Variants in DIS3L2 observed in about 807,000 individuals in gnomAD.
The protein encoded by DIS3L2 is DIS3 like 3'-5' exoribonuclease 2.
DIS3L2 carries 34 observed loss-of-function variants against 97.5 expected under a neutral mutation model. The ratio of observed to expected loss-of-function variants is 0.35; its 90% CI spans 0.27 to 0.46. The LOEUF is 0.46. Among genes scored for constraint, DIS3L2 ranks in the 20% least tolerant of loss-of-function variants. The pLI, the probability that DIS3L2 is intolerant of heterozygous loss-of-function variation, is 1.00. For missense variants in DIS3L2, 1,038 were observed against 1,146.0 expected, an observed-to-expected ratio of 0.91 and a Z score of 1.36; for synonymous variants, 435 against 445.2, an observed-to-expected ratio of 0.98 and a Z score of 0.29.
intron 1 of DIS3L2, among the ~76,000 whole-genome samples, chr2:231,966,641 A>ATTTTTTTTTTTTTTTTT (rs36151054): frequency 6.5e-4 from 33 of 50,396 alleles, no homozygotes; most frequent in Non-Finnish European, 9.3e-4. Flanking sequence ...GTTAAAAAAC[A>ATTTTTTTTTTTTTTTTT]TTTTTTTTTT....
intron 8 of DIS3L2, among the ~76,000 whole-genome samples, chr2:232,160,748 C>A (rs1268189647): frequency 6.6e-6 from 1 of 151,948 alleles, no homozygotes; most frequent in Admixed American, 6.6e-5. Context: ...CTCAGCTACT[C>A]AGGAGGCTGA....
At chr2:232,081,001 A>G (rs986867721) in intron 5 of DIS3L2, among the ~76,000 whole-genome samples, 2 of 151,984 alleles carry the variant, frequency 1.3e-5, no homozygotes, top group African/African-American at 2.4e-5. Context: ...ATTTTAATCT[A>G]TAGGCTTACC....
intron 1 of DIS3L2, among the ~76,000 whole-genome samples, chr2:232,007,367 C>A (rs571945308): frequency 6.6e-6 from 1 of 152,142 alleles, no homozygotes; most frequent in Non-Finnish European, 1.5e-5. Context: ...GTTGATACTT[C>A]CGCTCTCAGT....
intron 13 of DIS3L2, among the ~76,000 whole-genome samples, chr2:232,267,901 G>T (rs895519685): frequency 3.3e-5 from 5 of 152,218 alleles, no homozygotes; most frequent in Non-Finnish European, 7.3e-5. Flanking sequence ...CCAAGGGAGG[G>T]TGGCAGGTGC....
chr2:232,167,645 A>G (rs1414393497), intron 9 of DIS3L2, among the ~76,000 whole-genome samples: 1 of 152,230 alleles, frequency 6.6e-6, no homozygotes, highest in African/African-American at 2.4e-5. Context: ...GTAAATTTCC[A>G]TCTTTTCTGA....
intron 5 of DIS3L2, among the ~76,000 whole-genome samples, chr2:232,082,820 G>C (rs1418853542): frequency 2.6e-5 from 4 of 152,180 alleles, no homozygotes; most frequent in African/African-American, 9.7e-5. Flanking sequence ...CTGATCTTCT[G>C]TATTAGTCCA....
At chr2:232,145,810 A>T (rs898774512) in intron 8 of DIS3L2, among the ~76,000 whole-genome samples, 1 of 152,210 alleles carries the variant, frequency 6.6e-6, no homozygotes, top group African/African-American at 2.4e-5. Context: ...TTGTTTATTT[A>T]CATATTCAGT....
chr2:232,224,573 TCATGTC>T (rs1199462102), intron 10 of DIS3L2, among the ~76,000 whole-genome samples: 2 of 152,160 alleles, frequency 1.3e-5, no homozygotes, highest in Non-Finnish European at 2.9e-5. Flanking sequence ...GTGCAGTGGT[TCATGTC>T]CATAATCCCA....
chr2:232,183,042 A>G (rs2106186192), intron 9 of DIS3L2, among the ~76,000 whole-genome samples: 1 of 152,356 alleles, frequency 6.6e-6, no homozygotes, highest in Non-Finnish European at 1.5e-5. Context: ...AGTCAAGGGT[A>G]GAGCCCTCAT....
intron 9 of DIS3L2, among the ~76,000 whole-genome samples, chr2:232,191,708 A>G (rs923899163): frequency 2.0e-5 from 3 of 152,170 alleles, no homozygotes; most frequent in South Asian, 2.1e-4. Context: ...TAGTGGAGTT[A>G]TAAGTTTATA....
chr2:232,130,903 T>C, intron 7 of DIS3L2, 184 bp downstream of exon 7: 1 of 874,716 alleles, frequency 1.1e-6, no homozygotes, highest in Non-Finnish European at 1.6e-6. Context: ...TCCATCTTCC[T>C]GCCTTTGGAT....
intron 8 of DIS3L2, among the ~76,000 whole-genome samples, chr2:232,145,423 CTCT>C (rs1282607871): frequency 1.3e-5 from 2 of 152,300 alleles, no homozygotes; most frequent in Non-Finnish European, 2.9e-5. Flanking sequence ...TTTCCTTTGG[CTCT>C]TCTATGTAGA....
downstream of DIS3L2, among the ~76,000 whole-genome samples, chr2:232,339,092 GC>G (rs1414896571): frequency 2.0e-5 from 3 of 152,206 alleles, no homozygotes; most frequent in African/African-American, 4.8e-5. Flanking sequence ...GCAGGCAGTG[GC>G]CCAGCCTGAG....
chr2:232,314,389 A>G (rs540710642), intron 14 of DIS3L2, among the ~76,000 whole-genome samples: 3 of 152,322 alleles, frequency 2.0e-5, no homozygotes, highest in African/African-American at 7.2e-5. Flanking sequence ...TGAGACTTGG[A>G]GGAATGAAGA....
At chr2:232,219,791 C>T (rs1263867702) in intron 10 of DIS3L2, among the ~76,000 whole-genome samples, 1 of 152,102 alleles carries the variant, frequency 6.6e-6, no homozygotes, top group Non-Finnish European at 1.5e-5. Flanking sequence ...TTGTCATTTC[C>T]TCCACCTCCC....
At chr2:231,987,459 T>G (rs1693450551) in intron 1 of DIS3L2, among the ~76,000 whole-genome samples, 1 of 152,232 alleles carries the variant, frequency 6.6e-6, no homozygotes, top group Non-Finnish European at 1.5e-5. Context: ...AGGTTTTATA[T>G]TTAATGTGCA....
intron 13 of DIS3L2, among the ~76,000 whole-genome samples, chr2:232,342,218 TACAC>T (rs977541227): frequency 6.6e-6 from 1 of 150,464 alleles, no homozygotes; most frequent in African/African-American, 2.5e-5. Context: ...TACACATATA[TACAC>T]ATACATATAT....
At chr2:232,297,185 T>C (rs1488217646) in intron 13 of DIS3L2, among the ~76,000 whole-genome samples, 1 of 152,194 alleles carries the variant, frequency 6.6e-6, no homozygotes, top group East Asian at 1.9e-4. Context: ...CTCTATGCCC[T>C]CTCTCACTTC....
intron 7 of DIS3L2, among the ~76,000 whole-genome samples, chr2:232,133,859 A>G (rs755964664): frequency 5.9e-5 from 9 of 151,702 alleles, no homozygotes; most frequent in Non-Finnish European, 1.3e-4. Flanking sequence ...GTGGTGGCAC[A>G]TACCTGTAAT....
Sources: gnomAD v4.1 joint callset for allele counts (sites outside exome capture counted in the v4.1 genomes callset) on GRCh38, gnomAD v4.1.1 for gene constraint, MANE v1.5 for transcripts, NCBI Gene and HGNC (gene_info 2026-07-23, HGNC 2026-07-21) for gene names.